The following ERI3 variants were observed in gnomAD, a reference collection of about 807,000 sequenced individuals.
ERI3 encodes the protein ERI1 exoribonuclease family member 3, also known as ERI1 exoribonuclease 3.
In ERI3, 18 loss-of-function variants were observed where a neutral mutation model predicts 44.4. The observed-to-expected ratio is 0.41, with a 90% CI of 0.28 to 0.60. The LOEUF (loss-of-function observed/expected upper bound fraction) is 0.60, where lower values mean the gene tolerates loss of function less well. ERI3 is among the 20% of genes least tolerant of loss of function. The probability of loss-of-function intolerance (pLI) is 0.36; values close to 1 mark genes in which losing one functional copy is unlikely to be tolerated. For missense variants in ERI3, 294 were observed against 435.5 expected (o/e 0.68, Z 2.89); for synonymous variants, 183 against 164.8 (o/e 1.11, Z -0.84).
At chr1:44,296,501 A>G (rs1434779116) in intron 6 of ERI3, among the ~76,000 whole-genome samples, 1 of 152,212 alleles carries the variant, frequency 6.6e-6, no homozygotes. Flanking sequence ...ACTTACCAAA[A>G]ATTGACTATG....
At chr1:44,293,774 T>C (rs995801060) in intron 6 of ERI3, among the ~76,000 whole-genome samples, 1 of 152,182 alleles carries the variant, frequency 6.6e-6, no homozygotes, top group Admixed American at 6.5e-5. Flanking sequence ...CACAGCTTCT[T>C]TGAGGAAGGG....
intron 6 of ERI3, among the ~76,000 whole-genome samples, chr1:44,298,355 G>T (rs1645652849): frequency 6.6e-6 from 1 of 152,158 alleles, no homozygotes; most frequent in Non-Finnish European, 1.5e-5. Context: ...ATGGCCAAAG[G>T]ACTGGAATTA....
intron 4 of ERI3, among the ~76,000 whole-genome samples, chr1:44,314,147 G>A (rs1373540745): frequency 1.7e-5 from 2 of 116,434 alleles, no homozygotes; most frequent in African/African-American, 5.7e-5. Context: ...TTTTTTTAAA[G>A]TGTGTTGGGG....
chr1:44,290,897 A>C (rs1645493010), intron 6 of ERI3, among the ~76,000 whole-genome samples: 1 of 152,158 alleles, frequency 6.6e-6, no homozygotes, highest in African/African-American at 2.4e-5. Context: ...AATATGACCA[A>C]GGGGAGGGAA....
chr1:44,240,664 C>T (rs970020738), intron 8 of ERI3, among the ~76,000 whole-genome samples: 15 of 152,222 alleles, frequency 9.9e-5, no homozygotes, highest in African/African-American at 3.6e-4. Flanking sequence ...ATATAAAGCC[C>T]TCTGTACTAA....
chr1:44,332,425 T>A (rs1646449449), intron 3 of ERI3, among the ~76,000 whole-genome samples: 1 of 152,174 alleles, frequency 6.6e-6, no homozygotes. Flanking sequence ...TGACCCAGTG[T>A]TCCCCAAGGA....
At chr1:44,306,393 C>T (rs1645832841) in intron 6 of ERI3, among the ~76,000 whole-genome samples, 1 of 152,206 alleles carries the variant, frequency 6.6e-6, no homozygotes, top group South Asian at 2.1e-4. Flanking sequence ...CCACCAGAGA[C>T]GGCAGTCAGA....
At chr1:44,296,153 C>T (rs1273902228) in intron 6 of ERI3, among the ~76,000 whole-genome samples, 1 of 152,168 alleles carries the variant, frequency 6.6e-6, no homozygotes, top group Non-Finnish European at 1.5e-5. Flanking sequence ...ACCGTGCCTC[C>T]CAGCAGTGCC....
intron 8 of ERI3, among the ~76,000 whole-genome samples, chr1:44,230,629 T>G (rs1188232405): frequency 2.0e-5 from 3 of 152,236 alleles, no homozygotes; most frequent in Non-Finnish European, 4.4e-5. Flanking sequence ...CCAGGACCTG[T>G]GACCCGGCCC....
At chr1:44,311,004 CACACACACACA>C (rs1645960300) in intron 5 of ERI3, among the ~76,000 whole-genome samples, 1 of 145,362 alleles carries the variant, frequency 6.9e-6, no homozygotes, top group Non-Finnish European at 1.6e-5. Context: ...CACACACACA[CACACACACACA>C]CGTGCAGGAA....
chr1:44,269,772 G>A (rs922137667), intron 7 of ERI3, among the ~76,000 whole-genome samples: 2 of 152,192 alleles, frequency 1.3e-5, no homozygotes, highest in Admixed American at 1.3e-4. Flanking sequence ...TGACAAGAGG[G>A]AAGCTATGGA....
chr1:44,309,157 G>C (rs1385995459), intron 5 of ERI3, among the ~76,000 whole-genome samples: 1 of 152,156 alleles, frequency 6.6e-6, no homozygotes, highest in South Asian at 2.1e-4. Flanking sequence ...TGTTCACACT[G>C]GAAATTCAAA....
At chr1:44,224,377 T>C (rs896044488) in intron 8 of ERI3, among the ~76,000 whole-genome samples, 2 of 152,214 alleles carry the variant, frequency 1.3e-5, no homozygotes, top group Admixed American at 1.3e-4. Flanking sequence ...ATCCCTGGAC[T>C]CCAATCTCAA....
intron 7 of ERI3, among the ~76,000 whole-genome samples, chr1:44,255,521 C>A (rs1644763151): frequency 6.6e-6 from 1 of 152,142 alleles, no homozygotes; most frequent in African/African-American, 2.4e-5. Flanking sequence ...TCCTTGGGTT[C>A]CTTGGGTGAT....
chr1:44,233,664 A>T (rs902064554), intron 8 of ERI3, among the ~76,000 whole-genome samples: 1 of 152,020 alleles, frequency 6.6e-6, no homozygotes, highest in Non-Finnish European at 1.5e-5. Context: ...CACATTATTG[A>T]GTACTCCTAT....
In ERI3 at chr1:44,355,234, C is replaced by T. The variant is rs1013756345; in HGVS notation, c.-208G>A. On this transcript the variant is annotated 5_prime_UTR_variant, in exon 1 of 9. Coordinates refer to ENST00000372257, the MANE Select transcript of ERI3 (RefSeq NM_024066.3). ...CCGCCTGAACAGCGGCAGCCAGCAC[C>T]ACGAGTCCACAACACACCGACTCAC... 6 of 1,181,892 alleles carry T rather than the reference C, an allele frequency of 5.1e-6. No homozygotes were observed. The highest frequency in any genetic ancestry group is 1.6e-5 in the African/African-American group (1 of 62,560). The allele number at this position is 1,181,892 out of a possible 1,614,324, so 73.2% of individuals were successfully genotyped here.
chr1:44,236,549 T>C (rs1052386327), intron 8 of ERI3, among the ~76,000 whole-genome samples: 3 of 151,992 alleles, frequency 2.0e-5, no homozygotes, highest in Admixed American at 2.0e-4. Flanking sequence ...GAAGAGTTAA[T>C]TAGGTTGTGG....
intron 7 of ERI3, among the ~76,000 whole-genome samples, chr1:44,271,305 G>A (rs1645082953): frequency 6.6e-6 from 1 of 152,142 alleles, no homozygotes; most frequent in Admixed American, 6.5e-5. Context: ...ATCCTGCAAC[G>A]TGCTTCACCA....
chr1:44,324,476 C>CTTTTTTTTTTTT (rs35475844), intron 3 of ERI3, among the ~76,000 whole-genome samples: 2 of 90,432 alleles, frequency 2.2e-5, no homozygotes, highest in African/African-American at 4.2e-5. Flanking sequence ...AACATAGACT[C>CTTTTTTTTTTTT]TTTTTTTTTT....
Sources: allele counts gnomAD v4.1 joint callset (sites outside exome capture counted in the v4.1 genomes callset), GRCh38; gene constraint gnomAD v4.1.1; transcripts MANE v1.5; gene names NCBI Gene and HGNC (gene_info 2026-07-23, HGNC 2026-07-21).